NTM: variants seen among roughly 807,000 people sequenced by gnomAD.
The protein encoded by NTM is IgLON family member 2.
NTM carries 13 observed loss-of-function variants against 42.1 expected under a neutral mutation model. That is an observed-to-expected ratio of 0.31 (90% CI 0.20 to 0.49). The LOEUF is 0.49. Ranked by LOEUF, NTM falls within the 20% of genes least tolerant of loss-of-function variation. NTM has a pLI of 0.99. For synonymous variants in NTM, 187 were observed against 179.2 expected (o/e 1.04, Z -0.35); for missense variants, 373 against 452.8 (o/e 0.82, Z 1.60).
Position 131,676,899 on chromosome 11 carries a change from A to G in NTM, c.83-234665A>G, listed in dbSNP as rs146243058. Among the ~76,000 whole-genome samples, 274 of 152,328 alleles carry G rather than the reference A, an allele frequency of 1.8e-3. 1 individual carries two copies. Among genetic ancestry groups the G allele is most frequent in the African/African-American group, 6.2e-3 (258 of 41,572 alleles). ...TAATGTCCGTTATTACAGTCGCCTC[A>G]CGACGGACCTGTCCACTTAGCTGCG... On this transcript the variant is annotated intron_variant, in intron 1 of 8. Transcript: ENST00000683400.
chr11:131,655,535 G>A (rs2134391269), intron 1 of NTM, among the ~76,000 whole-genome samples: 1 of 152,316 alleles, frequency 6.6e-6, no homozygotes, highest in South Asian at 2.1e-4. Context: ...TTTCTGTGCA[G>A]GGGGCTGCTC....
At chr11:131,732,495 G>T in intron 1 of NTM, among the ~76,000 whole-genome samples, 1 of 152,112 alleles carries the variant, frequency 6.6e-6, no homozygotes, top group East Asian at 1.9e-4. Flanking sequence ...TGCCGAATTG[G>T]ACAACAAACT....
chr11:131,669,098 C>T (rs981450900), intron 1 of NTM, among the ~76,000 whole-genome samples: 11 of 152,048 alleles, frequency 7.2e-5, no homozygotes, highest in African/African-American at 1.4e-4. Context: ...CTCTGTGCCC[C>T]GTAGGGTTGG....
intron 1 of NTM, among the ~76,000 whole-genome samples, chr11:131,575,244 T>C (rs2057816498): frequency 6.6e-6 from 1 of 152,166 alleles, no homozygotes; most frequent in Admixed American, 6.5e-5. Context: ...TGTTAAATTA[T>C]GGTAAGACTA....
chr11:131,957,138 T>C (rs1297919366), intron 2 of NTM, among the ~76,000 whole-genome samples: 1 of 152,260 alleles, frequency 6.6e-6, no homozygotes, highest in Non-Finnish European at 1.5e-5. Context: ...AACAGCAGTT[T>C]TTATTTTTGT....
At chr11:131,478,982 C>T (rs1053881163) in intron 1 of NTM, among the ~76,000 whole-genome samples, 1 of 152,222 alleles carries the variant, frequency 6.6e-6, no homozygotes, top group African/African-American at 2.4e-5. Context: ...TTGGTGAACA[C>T]TCACTCGCCC....
At chr11:131,948,164 A>C (rs2060551440) in intron 2 of NTM, among the ~76,000 whole-genome samples, 1 of 151,980 alleles carries the variant, frequency 6.6e-6, no homozygotes, top group Non-Finnish European at 1.5e-5. Context: ...GATCGATACT[A>C]TCCTGGCTAA....
At chr11:132,260,021 G>A (rs998930373) in intron 4 of NTM, among the ~76,000 whole-genome samples, 3 of 152,146 alleles carry the variant, frequency 2.0e-5, no homozygotes, top group Admixed American at 6.5e-5. Flanking sequence ...GAAGGCATTT[G>A]CCTGGGTGGC....
intron 1 of NTM, chr11:131,605,919 C>T (rs2137475182): frequency 6.2e-6 from 6 of 973,720 alleles, no homozygotes; most frequent in Non-Finnish European, 7.3e-6. Flanking sequence ...TGTGCTTTCT[C>T]TTTTATGTTA....
intron 3 of NTM, among the ~76,000 whole-genome samples, chr11:132,177,339 C>G (rs1425790157): frequency 1.3e-5 from 2 of 152,188 alleles, no homozygotes; most frequent in Admixed American, 1.3e-4. Context: ...GTTGGCCTTA[C>G]ACAAGTAAAT....
At chr11:132,051,748 C>T (rs913973189) in intron 2 of NTM, among the ~76,000 whole-genome samples, 12 of 152,212 alleles carry the variant, frequency 7.9e-5, no homozygotes, top group African/African-American at 2.9e-4. Context: ...GCTCATCTAA[C>T]TACTCCGTCT....
At chr11:132,273,737 T>C (rs969124930) in intron 4 of NTM, among the ~76,000 whole-genome samples, 1 of 152,044 alleles carries the variant, frequency 6.6e-6, no homozygotes, top group Admixed American at 6.6e-5. Flanking sequence ...TGAAACCCCG[T>C]CTCTACTAAA....
intron 1 of NTM, among the ~76,000 whole-genome samples, chr11:131,727,492 A>T (rs544352691): frequency 9.2e-5 from 14 of 152,188 alleles, no homozygotes; most frequent in African/African-American, 3.1e-4. Flanking sequence ...CTGCAGCAGG[A>T]GGAGTAATGC....
chr11:131,982,373 A>T (rs1209120886), intron 2 of NTM, among the ~76,000 whole-genome samples: 1 of 152,182 alleles, frequency 6.6e-6, no homozygotes, highest in African/African-American at 2.4e-5. Flanking sequence ...AAGGGGCAAG[A>T]ACAAGGATGA....
In NTM at chr11:131,650,439, A is replaced by G. The variant is rs1592364757; in HGVS notation, c.83-261125A>G. On this transcript the variant is annotated intron_variant, in intron 1 of 8. Coordinates refer to ENST00000683400, the MANE Select transcript of NTM (RefSeq NM_001352005.2). ...TTCTCTGCCAGACCTCTGCTCCAACATGGCTCCTCATTCTTTGCCAGAGCT... is the reference window on the plus strand; with the variant it reads ...TTCTCTGCCAGACCTCTGCTCCAACGTGGCTCCTCATTCTTTGCCAGAGCT... Among the ~76,000 whole-genome samples the G allele has an allele frequency of 2.0e-5, 3 of 152,150 alleles. No homozygotes were observed. The East Asian group carries it at 5.8e-4, about 29-fold the overall frequency.
At position 132,335,507 on chromosome 11, in the gene NTM, C is replaced by T. The variant is rs904739203; in HGVS notation, c.*361C>T. 4 of 241,060 alleles carry T rather than the reference C, an allele frequency of 1.7e-5. No homozygotes were observed. Among genetic ancestry groups the T allele is most frequent in the Non-Finnish European group, 3.2e-5 (4 of 123,250 alleles). The allele number at this position is 241,060 out of a possible 1,614,324, so 14.9% of individuals were successfully genotyped here. A position where few individuals can be genotyped will look rare whatever the true frequency, so the allele number is the denominator to read the frequency against. On this transcript the variant is annotated 3_prime_UTR_variant, in exon 9 of 9. Coordinates refer to ENST00000683400, the MANE Select transcript of NTM (RefSeq NM_001352005.2). ...GCCCACAGAGTGCCCCCACGTGGAA[C>T]ATTCTGGAGCTGGCCATCCCAAATT...
chr11:132,207,305 C>G (rs1269490543), intron 3 of NTM, among the ~76,000 whole-genome samples: 1 of 152,052 alleles, frequency 6.6e-6, no homozygotes, highest in Non-Finnish European at 1.5e-5. Context: ...GAGCACGAAC[C>G]CTTATTGTGA....
intron 1 of NTM, among the ~76,000 whole-genome samples, chr11:131,510,577 A>T (rs2136454607): frequency 6.6e-6 from 1 of 152,320 alleles, no homozygotes; most frequent in Non-Finnish European, 1.5e-5. Flanking sequence ...CTTCAGCCTT[A>T]ATTTTTTAAA....
chr11:131,534,400 C>A (rs995474846), intron 1 of NTM: 4 of 152,294 alleles, frequency 2.6e-5, no homozygotes, highest in African/African-American at 9.7e-5. Context: ...CACACACGCA[C>A]CCCACACACT....
Sources: gnomAD v4.1 joint callset for allele counts (sites outside exome capture counted in the v4.1 genomes callset) on GRCh38, gnomAD v4.1.1 for gene constraint, MANE v1.5 for transcripts, NCBI Gene and HGNC (gene_info 2026-07-23, HGNC 2026-07-21) for gene names.